The following PRPF39 variants were observed in gnomAD, a reference collection of about 807,000 sequenced individuals.
PRPF39 encodes pre-mRNA processing factor 39, also known as pre-mRNA-processing factor 39.
Under a neutral mutation model 82.1 loss-of-function variants are expected in PRPF39, and 27 were observed. That is an observed-to-expected ratio of 0.33 (90% CI 0.24 to 0.45). The LOEUF is 0.45. Ranked by LOEUF, PRPF39 falls within the 20% of genes least tolerant of loss-of-function variation. The pLI, the probability that PRPF39 is intolerant of heterozygous loss-of-function variation, is 1.00. For missense variants in PRPF39, 581 were observed against 796.9 expected, an observed-to-expected ratio of 0.73 and a Z score of 3.26; for synonymous variants, 261 against 256.4, an observed-to-expected ratio of 1.02 and a Z score of -0.17.
chr14:45,097,459 A>G (rs1884237646), intron 4 of PRPF39, among the ~76,000 whole-genome samples: 2 of 152,194 alleles, frequency 1.3e-5, no homozygotes, highest in South Asian at 4.1e-4. Flanking sequence ...TACAGTGAAC[A>G]TCTCTGTACA....
chr14:45,089,199 A>G (rs1405637517), intron 1 of PRPF39, among the ~76,000 whole-genome samples: 7 of 152,002 alleles, frequency 4.6e-5, no homozygotes, highest in Admixed American at 4.6e-4. Flanking sequence ...GCTTTCCCCT[A>G]CGTTTTCTTC....
chr14:45,104,592 G>C (rs151281093), intron 5 of PRPF39, among the ~76,000 whole-genome samples: 393 of 152,250 alleles, frequency 2.6e-3, no homozygotes, highest in African/African-American at 9.1e-3. Context: ...AGGAGGAGGC[G>C]TGTGTTAAAA....
intron 1 of PRPF39, among the ~76,000 whole-genome samples, chr14:45,085,881 A>G (rs1883810035): frequency 6.6e-6 from 1 of 152,026 alleles, no homozygotes; most frequent in East Asian, 1.9e-4. Flanking sequence ...GTTTATGAAA[A>G]AGAATAGTCA....
Position 45,096,889 on chromosome 14 carries a change from T to G in PRPF39, c.453T>G (p.Val151=), listed in dbSNP as rs1884216452. The G allele has an allele frequency of 3.2e-6, 5 of 1,545,080 alleles. No individual in the cohort carries two copies. The highest frequency in any genetic ancestry group is 4.4e-6 in the Non-Finnish European group (5 of 1,146,088). The change falls in exon 4 of 14, where the codon GTT becomes GTG. Residue 151 remains valine (V), a splice_region_variant and synonymous_variant. Coordinates refer to ENST00000355765, the MANE Select transcript of PRPF39 (RefSeq NM_017922.4). ...RHDNIKPSDE[V]YRRGLQAIPL... is the part of the protein sequence containing the mutation. Reference sequence around the variant, plus strand: ...ACAGTTTGCTGTTTTCTTCTTAGGTTTATCGGCGGGGGCTTCAGGCAATAC... The same window carrying G: ...ACAGTTTGCTGTTTTCTTCTTAGGTGTATCGGCGGGGGCTTCAGGCAATAC...
chr14:45,085,331 T>C (rs1035573086), intron 1 of PRPF39, among the ~76,000 whole-genome samples: 1 of 152,140 alleles, frequency 6.6e-6, no homozygotes, highest in Non-Finnish European at 1.5e-5. Flanking sequence ...ATTGTGAACT[T>C]TGAAGTAGGG....
At position 45,110,427 on chromosome 14, in the gene PRPF39, C is replaced by G; in HGVS notation, c.1304-122C>G. 8.2e-7 allele frequency: 1 copy of G among 1,214,840 alleles called. No homozygotes were observed. The highest frequency in any genetic ancestry group is 1.1e-6 in the Non-Finnish European group (1 of 879,094). 75.3% of individuals were successfully genotyped at this position (1,214,840 alleles called of 1,614,324 possible). ...CAGCCATAGGCAGTGTGTAAATATG[C>G]ATGGCTGTTTCCCATTATTAGTTGC... On this transcript the variant is annotated intron_variant, in intron 9 of 13. Transcript: ENST00000355765. This position sits in a 1 kb window ranked among gnomAD's most constrained non-coding sequence, Gnocchi z 4.0.
chr14:45,107,392 C>A, intron 5 of PRPF39, 59 bp from the exon 6 acceptor site: 1 of 1,300,818 alleles, frequency 7.7e-7, no homozygotes. Flanking sequence ...TAGTAGGAAT[C>A]TCAATATGAG....
At chr14:45,088,820 T>A (rs1057055617) in intron 1 of PRPF39, among the ~76,000 whole-genome samples, 1 of 152,232 alleles carries the variant, frequency 6.6e-6, no homozygotes, top group Non-Finnish European at 1.5e-5. Context: ...GTAGTTGAAT[T>A]ACACATGTAT....
At chr14:45,114,473 C>A (rs767504945) in intron 12 of PRPF39, 21 bp from the exon 13 acceptor site, 3 of 1,542,152 alleles carry the variant, frequency 1.9e-6, no homozygotes, top group Admixed American at 2.3e-5. Flanking sequence ...TTGAAAGTTT[C>A]CATTCTGACG....
Position 45,114,883 on chromosome 14 carries a change from T to C in PRPF39, c.1980T>C (p.Tyr660=), listed in dbSNP as rs1445769789. 3.1e-6 allele frequency: 5 copies of C among 1,600,700 alleles called. No individual in the cohort carries two copies. The highest frequency in any genetic ancestry group is 4.5e-5 in the East Asian group (2 of 44,678). Reference sequence around the variant, plus strand: ...ACAATTATCAGAATCCTTGGAATTATGGACAATATTATCCTCCCCCTCCAA... The same window carrying C: ...ACAATTATCAGAATCCTTGGAATTACGGACAATATTATCCTCCCCCTCCAA... ...YQYNYQNPWN[Y]GQYYPPPPT Residue 660 remains tyrosine, a synonymous_variant, in exon 14 of 14, where the codon TAT becomes TAC. Transcript: ENST00000355765.
chr14:45,087,874 A>T (rs1485191317), intron 1 of PRPF39, among the ~76,000 whole-genome samples: 2 of 151,658 alleles, frequency 1.3e-5, no homozygotes, highest in Non-Finnish European at 2.9e-5. Flanking sequence ...GGCGTGAGCC[A>T]CTGCGCCCGG....
At position 45,115,291 on chromosome 14, in the gene PRPF39, C is replaced by CT. The variant is rs369629100; in HGVS notation, c.*396dup. Reference sequence around the variant, plus strand: ...CACATAAGGGCTGGTTATTTACCTCCTTTTTTTTTTTTTTTTTTAAAGAAA... The same window carrying CT: ...CACATAAGGGCTGGTTATTTACCTCCTTTTTTTTTTTTTTTTTTTAAAGAAA... On this transcript the variant is annotated 3_prime_UTR_variant, in exon 14 of 14. Coordinates refer to ENST00000355765, the MANE Select transcript of PRPF39 (RefSeq NM_017922.4). 0.068 allele frequency: 9,061 copies of CT among 132,578 alleles called. 384 individuals carry two copies. The highest frequency in any genetic ancestry group is 0.098 in the Non-Finnish European group (5,983 of 60,780). 8.2% of individuals were successfully genotyped at this position (132,578 alleles called of 1,614,324 possible).
chr14:45,102,636 C>T lies in PRPF39; in HGVS notation c.677C>T (p.Thr226Ile). 6.2e-7 allele frequency: 1 copy of T among 1,611,864 alleles called. No homozygotes were observed. Among genetic ancestry groups the T allele is most frequent in the Non-Finnish European group, 8.5e-7 (1 of 1,178,572 alleles). Reference protein sequence around the residue: ...ENEQGNLREVTAIYDRILGIP... With the variant: ...ENEQGNLREVIAIYDRILGIP... Reference sequence around the variant, plus strand: ...GAGCAGGGAAACCTGAGAGAAGTTACAGCTATATATGATCGTATTCTTGGT... The same window carrying T: ...GAGCAGGGAAACCTGAGAGAAGTTATAGCTATATATGATCGTATTCTTGGT... The change falls in exon 5 of 14, where the codon ACA becomes ATA. Residue 226 changes from threonine (T) to isoleucine (I), a missense_variant. Transcript: ENST00000355765.
At chr14:45,104,399 GACTA>G (rs1005594326) in intron 5 of PRPF39, among the ~76,000 whole-genome samples, 14 of 151,420 alleles carry the variant, frequency 9.2e-5, no homozygotes, top group East Asian at 1.9e-4. Flanking sequence ...TAATTCACAT[GACTA>G]ACTGCTTTGA....
intron 3 of PRPF39, 32 bp downstream of exon 3, chr14:45,096,260 A>G (rs756893275): frequency 4.5e-6 from 7 of 1,559,648 alleles, no homozygotes; most frequent in South Asian, 1.2e-5. Flanking sequence ...CTTATCTCCA[A>G]TAGGTACTGT....
At chr14:45,105,855 A>G (rs1884514939) in intron 5 of PRPF39, among the ~76,000 whole-genome samples, 1 of 152,008 alleles carries the variant, frequency 6.6e-6, no homozygotes, top group Non-Finnish European at 1.5e-5. Context: ...CATTTCTGAT[A>G]GTAGTATAGA....
In PRPF39 at chr14:45,096,241, C is replaced by A; in HGVS notation, c.450+13C>A. ...ACCATCAGATGAGGTGCGTACATCA[C>A]TGAATAAACTTATCTCCAATAGGTA... On this transcript the variant is annotated intron_variant, in intron 3 of 13. Coordinates refer to ENST00000355765, the MANE Select transcript of PRPF39 (RefSeq NM_017922.4). The A allele has an allele frequency of 6.3e-7, 1 of 1,575,104 alleles. No individual in the cohort carries two copies. The highest frequency in any genetic ancestry group is 1.2e-5 in the South Asian group (1 of 85,344).
Position 45,115,049 on chromosome 14 carries a change from T to C in PRPF39, c.*136T>C. 1 of 588,444 alleles carries C rather than the reference T, an allele frequency of 1.7e-6. No individual in the cohort carries two copies. Among genetic ancestry groups the C allele is most frequent in the South Asian group, 3.3e-5 (1 of 29,870 alleles). 36.5% of individuals were successfully genotyped at this position (588,444 alleles called of 1,614,324 possible). A position where few individuals can be genotyped will look rare whatever the true frequency, so the allele number is the denominator to read the frequency against. ...TTGTTTCTGTGTAACATGATTTGTT[T>C]AGTAATAGGGGGAAAATGTCAATTA... On this transcript the variant is annotated 3_prime_UTR_variant, in exon 14 of 14. Coordinates refer to ENST00000355765, the MANE Select transcript of PRPF39 (RefSeq NM_017922.4).
At position 45,110,411 on chromosome 14, in the gene PRPF39, G is replaced by A; in HGVS notation, c.1304-138G>A. 1 of 1,194,940 alleles carries A rather than the reference G, an allele frequency of 8.4e-7. No individual in the cohort carries two copies. 74.0% of individuals were successfully genotyped at this position (1,194,940 alleles called of 1,614,324 possible). On this transcript the variant is annotated intron_variant, in intron 9 of 13. Coordinates refer to ENST00000355765, the MANE Select transcript of PRPF39 (RefSeq NM_017922.4). This position sits in a 1 kb window ranked among gnomAD's most constrained non-coding sequence, Gnocchi z 4.0. Reference sequence around the variant, plus strand: ...CATTGTAGCCCCGAAACAGCCATAGGCAGTGTGTAAATATGCATGGCTGTT... The same window carrying A: ...CATTGTAGCCCCGAAACAGCCATAGACAGTGTGTAAATATGCATGGCTGTT...
Sources: gnomAD v4.1 joint callset for allele counts (sites outside exome capture counted in the v4.1 genomes callset) on GRCh38, gnomAD v4.1.1 for gene constraint, Gnocchi (gnomAD v3.1) non-coding constraint, MANE v1.5 for transcripts, NCBI Gene and HGNC (gene_info 2026-07-23, HGNC 2026-07-21) for gene names.